Variants in PTDSS1 observed in about 807,000 individuals in gnomAD.
The protein encoded by PTDSS1 is PSS-1.
Under a neutral mutation model 70.5 loss-of-function variants are expected in PTDSS1, and 45 were observed. The observed-to-expected ratio is 0.64, with a 90% CI of 0.50 to 0.82. The LOEUF (loss-of-function observed/expected upper bound fraction) is 0.82, where lower values mean the gene tolerates loss of function less well. Ranked by LOEUF, PTDSS1 falls within the 40% of genes least tolerant of loss-of-function variation. PTDSS1 has a pLI of 0.00. For synonymous variants in PTDSS1, 188 were observed against 203.8 expected (o/e 0.92, Z 0.66); for missense variants, 417 against 586.1 (o/e 0.71, Z 2.98).
intron 4 of PTDSS1, among the ~76,000 whole-genome samples, chr8:96,289,670 C>T (rs1028172156): frequency 1.3e-5 from 2 of 152,032 alleles, no homozygotes; most frequent in Non-Finnish European, 2.9e-5. Flanking sequence ...GAATTTGGGC[C>T]ATAGATGGGT....
At chr8:96,327,035 A>C (rs1335400601) in intron 10 of PTDSS1, among the ~76,000 whole-genome samples, 1 of 152,116 alleles carries the variant, frequency 6.6e-6, no homozygotes, top group Non-Finnish European at 1.5e-5. Context: ...GATATAGGAG[A>C]AGCCCATTGA....
chr8:96,270,300 G>A (rs951785212), intron 1 of PTDSS1, among the ~76,000 whole-genome samples: 5 of 152,008 alleles, frequency 3.3e-5, no homozygotes, highest in African/African-American at 1.2e-4. Flanking sequence ...CTCATTTGGG[G>A]TCCACTCATG....
intron 9 of PTDSS1, among the ~76,000 whole-genome samples, chr8:96,313,187 A>T (rs540850655): frequency 6.6e-6 from 1 of 152,256 alleles, no homozygotes; most frequent in African/African-American, 2.4e-5. Context: ...TGTTTTTATG[A>T]ATTACTTGCT....
At chr8:96,317,753 A>C in intron 9 of PTDSS1, among the ~76,000 whole-genome samples, 1 of 126,624 alleles carries the variant, frequency 7.9e-6, no homozygotes, top group East Asian at 3.2e-4. Flanking sequence ...AAAACAAAAA[A>C]ACAGAAAAAA....
At chr8:96,287,734 A>G (rs73271856) in intron 4 of PTDSS1, among the ~76,000 whole-genome samples, 4,071 of 150,600 alleles carry the variant, frequency 0.027, 175 homozygotes, top group African/African-American at 0.093. Flanking sequence ...ATTTGTTACT[A>G]TTATTTTTAT....
At chr8:96,277,396 C>T (rs1810663901) in intron 2 of PTDSS1, among the ~76,000 whole-genome samples, 1 of 152,234 alleles carries the variant, frequency 6.6e-6, no homozygotes, top group South Asian at 2.1e-4. Context: ...CTCTCTCAGG[C>T]CACAGGCCTC....
At chr8:96,304,617 T>C (rs967043339) in intron 7 of PTDSS1, among the ~76,000 whole-genome samples, 4 of 152,172 alleles carry the variant, frequency 2.6e-5, no homozygotes, top group Non-Finnish European at 4.4e-5. Context: ...GCTAAATGAG[T>C]GCTGGGGAAT....
At position 96,334,202 on chromosome 8, in the gene PTDSS1, T is replaced by TA. The variant is rs1811563605; in HGVS notation, c.*637dup. The TA allele has an allele frequency of 5.7e-6, 1 of 176,358 alleles. No individual in the cohort carries two copies. The highest frequency in any genetic ancestry group is 1.2e-5 in the Non-Finnish European group (1 of 83,898). 10.9% of individuals were successfully genotyped at this position (176,358 alleles called of 1,614,324 possible). On this transcript the variant is annotated 3_prime_UTR_variant, in exon 13 of 13. Coordinates refer to ENST00000517309, the MANE Select transcript of PTDSS1 (RefSeq NM_014754.3). ...AACCTCAGTCTCCTGTAAGACCTCC[T>TA]ACCACATGGCGAGTATACACCAATC...
chr8:96,273,391 G>C lies in PTDSS1; in HGVS notation c.271+1G>C. The C allele has an allele frequency of 6.2e-7, 1 of 1,601,866 alleles. No individual in the cohort carries two copies. Among genetic ancestry groups the C allele is most frequent in the Non-Finnish European group, 8.5e-7 (1 of 1,172,768 alleles). On this transcript the variant is annotated splice_donor_variant, in intron 2 of 12. Transcript: ENST00000517309. LOFTEE classifies it high-confidence loss of function. ...ATCAGTGTGTTAGCTTTCCCCAATG[G>C]TAAGTAATGTCATGCATTACCACAT...
chr8:96,321,734 G>A (rs940187461), intron 10 of PTDSS1, among the ~76,000 whole-genome samples: 1 of 151,308 alleles, frequency 6.6e-6, no homozygotes, highest in East Asian at 1.9e-4. Flanking sequence ...GTCTTTTATC[G>A]CCTTTAACGG....
intron 9 of PTDSS1, among the ~76,000 whole-genome samples, chr8:96,313,469 C>T (rs1430712914): frequency 1.3e-5 from 2 of 152,190 alleles, no homozygotes; most frequent in African/African-American, 4.8e-5. Context: ...TGTCTTTTCC[C>T]CATTCCACCC....
At chr8:96,332,845 G>A (rs1811536912) in intron 12 of PTDSS1, among the ~76,000 whole-genome samples, 1 of 152,216 alleles carries the variant, frequency 6.6e-6, no homozygotes, top group Non-Finnish European at 1.5e-5. Context: ...AGAGCCCTGG[G>A]GCAGAGAACC....
At chr8:96,300,878 G>T (rs1230691081) in intron 6 of PTDSS1, among the ~76,000 whole-genome samples, 2 of 151,800 alleles carry the variant, frequency 1.3e-5, no homozygotes, top group African/African-American at 4.8e-5. Context: ...CTTTTTTTTG[G>T]TAAATAAATT....
At position 96,332,752 on chromosome 8, in the gene PTDSS1, T is replaced by G. The variant is rs114366618; in HGVS notation, c.1313-705T>G. ...AAAGAATCTCTTAGTCTAAGTCAAATGCTCCTTACAGTGGAGACTGTAACT... is the reference window on the plus strand; with the variant it reads ...AAAGAATCTCTTAGTCTAAGTCAAAGGCTCCTTACAGTGGAGACTGTAACT... On this transcript the variant is annotated intron_variant, in intron 12 of 12. Coordinates refer to ENST00000517309, the MANE Select transcript of PTDSS1 (RefSeq NM_014754.3). Among the ~76,000 whole-genome samples the G allele has an allele frequency of 3.1e-3, 476 of 152,338 alleles. 5 individuals carry two copies. Among genetic ancestry groups the G allele is most frequent in the African/African-American group, 0.011 (462 of 41,592 alleles).
intron 6 of PTDSS1, among the ~76,000 whole-genome samples, chr8:96,300,744 T>C (rs1165121336): frequency 6.6e-6 from 1 of 152,234 alleles, no homozygotes; most frequent in Non-Finnish European, 1.5e-5. Context: ...TACTTCAACA[T>C]ATGGATAAAC....
At chr8:96,317,033 CTATATATATGTGTG>C (rs1171331749) in intron 9 of PTDSS1, among the ~76,000 whole-genome samples, 2 of 150,144 alleles carry the variant, frequency 1.3e-5, no homozygotes, top group South Asian at 2.1e-4. Context: ...ATATATGTGT[CTATATATATGTGTG>C]TATATATATA....
chr8:96,271,454 G>A (rs1810564870), intron 1 of PTDSS1, among the ~76,000 whole-genome samples: 1 of 151,996 alleles, frequency 6.6e-6, no homozygotes, highest in South Asian at 2.1e-4. Flanking sequence ...TCTTTTTGGT[G>A]GACATTTAGA....
intron 2 of PTDSS1, among the ~76,000 whole-genome samples, chr8:96,279,064 G>A (rs1000858563): frequency 4.3e-5 from 6 of 141,058 alleles, no homozygotes; most frequent in African/African-American, 8.0e-5. Context: ...TCCACCTCCC[G>A]GGCTCAAGCG....
intron 5 of PTDSS1, among the ~76,000 whole-genome samples, chr8:96,297,934 CCCT>C (rs1191050529): frequency 6.6e-6 from 1 of 152,186 alleles, no homozygotes; most frequent in Non-Finnish European, 1.5e-5. Context: ...GAATGCAGCC[CCCT>C]CCTCCTTGGG....
Sources: allele counts gnomAD v4.1 joint callset (sites outside exome capture counted in the v4.1 genomes callset), GRCh38; gene constraint gnomAD v4.1.1; transcripts MANE v1.5; gene names NCBI Gene and HGNC (gene_info 2026-07-23, HGNC 2026-07-21).